CNTNAP5: variants seen among roughly 807,000 people sequenced by gnomAD.
The protein encoded by CNTNAP5 is contactin associated protein family member 5, also known as contactin-associated protein-like 5.
In CNTNAP5, 72 loss-of-function variants were observed where a neutral mutation model predicts 150.2. The ratio of observed to expected loss-of-function variants is 0.48; its 90% CI spans 0.40 to 0.58. The LOEUF (loss-of-function observed/expected upper bound fraction) is 0.58, where lower values mean the gene tolerates loss of function less well. Ranked by LOEUF, CNTNAP5 falls within the 20% of genes least tolerant of loss-of-function variation. The pLI is 0.00. For synonymous variants in CNTNAP5, 672 were observed against 619.8 expected, an observed-to-expected ratio of 1.08 and a Z score of -1.25; for missense variants, 1,636 against 1,626.2, an observed-to-expected ratio of 1.01 and a Z score of -0.10.
At chr2:124,491,789 A>G (rs1694035395) in intron 7 of CNTNAP5, among the ~76,000 whole-genome samples, 1 of 151,708 alleles carries the variant, frequency 6.6e-6, no homozygotes, top group African/African-American at 2.4e-5. Flanking sequence ...AGCCACCCTA[A>G]CAGGTATGAG....
At chr2:124,518,994 C>CAAAAAAAAAA (rs35578704) in intron 8 of CNTNAP5, among the ~76,000 whole-genome samples, 1 of 48,116 alleles carries the variant, frequency 2.1e-5, no homozygotes, top group Non-Finnish European at 3.8e-5. Context: ...GCCTGGGCCG[C>CAAAAAAAAAA]AAAAAAAAAA....
In CNTNAP5 at chr2:124,504,996, G is replaced by A. The variant is rs148611202; in HGVS notation, c.1327+440G>A. ...GCTGGGATTACAGGCCTGAGCCACT[G>A]TGCCTGGCCAGCATTTTTTTTTCTT... On this transcript the variant is annotated intron_variant, in intron 8 of 23. Coordinates refer to ENST00000682447, the MANE Select transcript of CNTNAP5 (RefSeq NM_001367498.1). 2.6e-4 allele frequency among the ~76,000 whole-genome samples: 39 copies of A among 152,198 alleles called. 1 individual carries two copies. In the East Asian group the frequency reaches 6.8e-3, roughly 26 times the overall value.
At chr2:124,622,153 T>G (rs1677630664) in intron 12 of CNTNAP5, among the ~76,000 whole-genome samples, 1 of 151,992 alleles carries the variant, frequency 6.6e-6, no homozygotes, top group South Asian at 2.1e-4. Context: ...CAGTGTGTGT[T>G]GTTCCCCCTC....
intron 11 of CNTNAP5, among the ~76,000 whole-genome samples, chr2:124,577,456 AT>A (rs1696309853): frequency 6.6e-6 from 1 of 152,090 alleles, no homozygotes; most frequent in African/African-American, 2.4e-5. Context: ...CATCTCTCCT[AT>A]TTTGGGGTCA....
At chr2:124,882,916 A>T (rs1400504799) in intron 21 of CNTNAP5, among the ~76,000 whole-genome samples, 2 of 151,966 alleles carry the variant, frequency 1.3e-5, no homozygotes, top group African/African-American at 4.8e-5. Context: ...TCTCATGTGA[A>T]CTAACTCACT....
chr2:124,782,561 C>T (rs1180692195), intron 17 of CNTNAP5, among the ~76,000 whole-genome samples: 1 of 152,112 alleles, frequency 6.6e-6, no homozygotes, highest in Non-Finnish European at 1.5e-5. Context: ...CAATAAGTAT[C>T]CCAGGACTGG....
At chr2:124,251,031 T>C (rs1387710988) in intron 3 of CNTNAP5, among the ~76,000 whole-genome samples, 1 of 152,132 alleles carries the variant, frequency 6.6e-6, no homozygotes, top group Non-Finnish European at 1.5e-5. Flanking sequence ...AAAATAAGTG[T>C]GAGCAGGCGT....
intron 23 of CNTNAP5, among the ~76,000 whole-genome samples, chr2:124,912,440 A>C (rs1216979577): frequency 6.6e-6 from 1 of 152,054 alleles, no homozygotes; most frequent in Non-Finnish European, 1.5e-5. Context: ...GGAGATGGGT[A>C]AACAGACAAC....
intron 3 of CNTNAP5, among the ~76,000 whole-genome samples, chr2:124,377,998 A>G (rs769811351): frequency 3.9e-5 from 6 of 152,056 alleles, no homozygotes; most frequent in Non-Finnish European, 5.9e-5. Flanking sequence ...AGCCAATGCT[A>G]ATTTCTGGGA....
At chr2:124,564,247 G>A (rs928783275) in intron 11 of CNTNAP5, among the ~76,000 whole-genome samples, 2 of 152,214 alleles carry the variant, frequency 1.3e-5, no homozygotes, top group Non-Finnish European at 2.9e-5. Context: ...GTGAGGAGGA[G>A]TGATAAGAGG....
chr2:124,220,113 A>C (rs909584762), intron 1 of CNTNAP5, among the ~76,000 whole-genome samples: 2 of 152,062 alleles, frequency 1.3e-5, no homozygotes, highest in African/African-American at 4.8e-5. Flanking sequence ...AATTTGCTGA[A>C]TAAATAAGCT....
At chr2:124,756,189 A>T (rs946284918) in intron 14 of CNTNAP5, among the ~76,000 whole-genome samples, 2 of 152,208 alleles carry the variant, frequency 1.3e-5, no homozygotes, top group Admixed American at 1.3e-4. Flanking sequence ...GTCTGTATGC[A>T]TGTATTGCAA....
At position 124,902,878 on chromosome 2, in the gene CNTNAP5, G is replaced by T. The variant is rs904209898; in HGVS notation, c.3437-4G>T. 2 of 1,599,158 alleles carry T rather than the reference G, an allele frequency of 1.3e-6. No individual in the cohort carries two copies. Among genetic ancestry groups the T allele is most frequent in the African/African-American group, 2.7e-5 (2 of 74,742 alleles). ...AGGACTTCTGATTATCTTTTACATT[G>T]CAGAGAATCTTGGTTTGGATTCTGA... is the stretch of plus-strand genomic sequence containing the variant. On this transcript the variant is annotated splice_region_variant and splice_polypyrimidine_tract_variant and intron_variant, in intron 21 of 23. Coordinates refer to ENST00000682447, the MANE Select transcript of CNTNAP5 (RefSeq NM_001367498.1).
chr2:124,413,817 C>A (rs1356575309), intron 3 of CNTNAP5, among the ~76,000 whole-genome samples: 1 of 133,288 alleles, frequency 7.5e-6, no homozygotes, highest in Non-Finnish European at 1.6e-5. Flanking sequence ...ACCAGCATGG[C>A]ACATGTATAC....
rs116384703 is a variant in CNTNAP5 at position 124,484,594 on chromosome 2, A to G, written c.1062+9712A>G. Among the ~76,000 whole-genome samples, 1,238 of 152,320 alleles carry G rather than the reference A, an allele frequency of 8.1e-3. 12 individuals are homozygous for G. Among genetic ancestry groups the G allele is most frequent in the African/African-American group, 0.028 (1,150 of 41,568 alleles). The stretch of plus-strand genomic sequence containing the variant: ...TGAATCACTAAGAGCTGATAATATT[A>G]TCATAATTATTTTTATAGCCTCACT... On this transcript the variant is annotated intron_variant, in intron 7 of 23. Coordinates refer to ENST00000682447, the MANE Select transcript of CNTNAP5 (RefSeq NM_001367498.1).
chr2:124,530,542 A>T (rs1695081211), intron 10 of CNTNAP5, among the ~76,000 whole-genome samples: 1 of 152,132 alleles, frequency 6.6e-6, no homozygotes, highest in Admixed American at 6.5e-5. Flanking sequence ...GGGATTAAGA[A>T]ACTTTAACCA....
At chr2:124,671,090 G>A (rs975198031) in intron 13 of CNTNAP5, among the ~76,000 whole-genome samples, 1 of 152,066 alleles carries the variant, frequency 6.6e-6, no homozygotes, top group African/African-American at 2.4e-5. Context: ...TTCTTCCTGT[G>A]TAAAAGCAGT....
chr2:124,104,670 C>T (rs1300642549), intron 1 of CNTNAP5, among the ~76,000 whole-genome samples: 3 of 152,108 alleles, frequency 2.0e-5, no homozygotes, highest in Non-Finnish European at 4.4e-5. Context: ...TGTCTCCTCC[C>T]ACCCCACTCT....
chr2:124,723,187 C>T lies in CNTNAP5; in HGVS notation c.2078-24042C>T, dbSNP rs139016539. On this transcript the variant is annotated intron_variant, in intron 13 of 23. Coordinates refer to ENST00000682447, the MANE Select transcript of CNTNAP5 (RefSeq NM_001367498.1). ...CCAATGACATTTTTCTATAAACAGTCAAAAAATCTAGGCCATAGCTTTGAC... is the reference window on the plus strand; with the variant it reads ...CCAATGACATTTTTCTATAAACAGTTAAAAAATCTAGGCCATAGCTTTGAC... 1.8e-4 allele frequency among the ~76,000 whole-genome samples: 27 copies of T among 152,232 alleles called. No individual in the cohort carries two copies. In the East Asian group the frequency reaches 5.0e-3, roughly 28 times the overall value.
Sources: gnomAD v4.1 joint callset for allele counts (sites outside exome capture counted in the v4.1 genomes callset) on GRCh38, gnomAD v4.1.1 for gene constraint, MANE v1.5 for transcripts, NCBI Gene and HGNC (gene_info 2026-07-23, HGNC 2026-07-21) for gene names.